The following SHISA9 variants were observed in gnomAD, a reference collection of about 807,000 sequenced individuals.
SHISA9 encodes the protein protein shisa-9.
A neutral mutation model predicts 38.0 loss-of-function variants in SHISA9; 13 were observed. That is an observed-to-expected ratio of 0.34 (90% CI 0.22 to 0.54). SHISA9 has a LOEUF of 0.54. Ranked by LOEUF, SHISA9 falls within the 20% of genes least tolerant of loss-of-function variation. The pLI is 0.91. For synonymous variants in SHISA9, 275 were observed against 242.0 expected (o/e 1.14, Z -1.27); for missense variants, 538 against 575.8 (o/e 0.93, Z 0.67).
intron 2 of SHISA9, among the ~76,000 whole-genome samples, chr16:13,078,383 A>G (rs2073608339): frequency 6.6e-6 from 1 of 151,584 alleles, no homozygotes; most frequent in Admixed American, 6.6e-5. Context: ...ATTATTTTTT[A>G]TTGTTGTATT....
the SHISA9 span, among the ~76,000 whole-genome samples, chr16:13,322,262 A>T: frequency 1.3e-5 from 2 of 152,238 alleles, no homozygotes; most frequent in South Asian, 4.1e-4. Context: ...ATAGGAAAAA[A>T]TAATTGGAAA....
At chr16:13,197,925 C>T (rs1222916045) in intron 2 of SHISA9, among the ~76,000 whole-genome samples, 3 of 152,178 alleles carry the variant, frequency 2.0e-5, no homozygotes, top group African/African-American at 7.2e-5. Flanking sequence ...TGGCTCATGT[C>T]TGTAAGCCCA....
At chr16:13,033,188 T>C (rs1019659775) in intron 2 of SHISA9, among the ~76,000 whole-genome samples, 1 of 152,204 alleles carries the variant, frequency 6.6e-6, no homozygotes, top group Admixed American at 6.5e-5. Flanking sequence ...TCTGAAATCA[T>C]CATGCAGTGC....
the SHISA9 span, among the ~76,000 whole-genome samples, chr16:13,431,341 A>C: frequency 6.6e-6 from 1 of 152,222 alleles, no homozygotes. Flanking sequence ...TAGGGAAAAA[A>C]ATAACTGATG....
At chr16:13,207,066 C>T (rs1330638638) in intron 3 of SHISA9, among the ~76,000 whole-genome samples, 1 of 152,190 alleles carries the variant, frequency 6.6e-6, no homozygotes, top group Non-Finnish European at 1.5e-5. Flanking sequence ...GAGTTGAAGA[C>T]CGGCTTGGCC....
At chr16:13,468,013 A>G in the SHISA9 span, among the ~76,000 whole-genome samples, 1 of 152,236 alleles carries the variant, frequency 6.6e-6, no homozygotes, top group Non-Finnish European at 1.5e-5. Context: ...AGCAATGGAT[A>G]TTACAACAAA....
chr16:12,989,972 T>C (rs2072363482), intron 2 of SHISA9, among the ~76,000 whole-genome samples: 1 of 152,146 alleles, frequency 6.6e-6, no homozygotes, highest in Admixed American at 6.5e-5. Flanking sequence ...GTTGTTCCCC[T>C]CGCTGTGTTC....
Position 12,909,555 on chromosome 16 carries a change from C to A in SHISA9, c.563+6928C>A, listed in dbSNP as rs189141035. ...AGAGATGCACCATTTTCTTCTTGTT[C>A]TTTGGATAAGCTAAGCTCATTCCCA... On this transcript the variant is annotated intron_variant, in intron 1 of 4. Transcript: ENST00000558583. 6.8e-5 allele frequency: 67 copies of A among 985,348 alleles called. No individual in the cohort carries two copies. In the African/African-American group the frequency reaches 1.2e-3, roughly 17 times the overall value. 61.0% of individuals were successfully genotyped at this position (985,348 alleles called of 1,614,324 possible).
chr16:12,955,595 A>G lies in SHISA9; in HGVS notation c.691+38780A>G, dbSNP rs144573870. Among the ~76,000 whole-genome samples the G allele has an allele frequency of 1.8e-4, 28 of 152,070 alleles. No homozygotes were observed. The East Asian group carries it at 5.4e-3, about 29-fold the overall frequency. On this transcript the variant is annotated intron_variant, in intron 2 of 4. Coordinates refer to ENST00000558583, the MANE Select transcript of SHISA9 (RefSeq NM_001145204.3). ...TAGAACAAATAGAGAACCCAGAAAT[A>G]AAGCCACATACCTACAGTCAACTTA...
chr16:13,437,275 A>G, the SHISA9 span, among the ~76,000 whole-genome samples: 2 of 152,176 alleles, frequency 1.3e-5, no homozygotes, highest in East Asian at 3.8e-4. Flanking sequence ...TATGGCTTCA[A>G]AAAAGATGGA....
chr16:13,187,187 G>C (rs573129556), intron 2 of SHISA9, among the ~76,000 whole-genome samples: 1 of 152,156 alleles, frequency 6.6e-6, no homozygotes, highest in Admixed American at 6.5e-5. Flanking sequence ...GACAACTTAT[G>C]CATTGCTGGG....
intron 2 of SHISA9, among the ~76,000 whole-genome samples, chr16:12,990,287 G>C (rs2072367935): frequency 6.6e-6 from 1 of 152,068 alleles, no homozygotes; most frequent in Non-Finnish European, 1.5e-5. Flanking sequence ...ATATTCCTTT[G>C]GGCATATACC....
At chr16:13,256,787 A>G in the SHISA9 span, among the ~76,000 whole-genome samples, 1 of 152,204 alleles carries the variant, frequency 6.6e-6, no homozygotes, top group Non-Finnish European at 1.5e-5. Context: ...CCTTTTGAGT[A>G]TTTATAATAA....
At chr16:13,275,734 T>A in the SHISA9 span, among the ~76,000 whole-genome samples, 2 of 151,922 alleles carry the variant, frequency 1.3e-5, no homozygotes, top group African/African-American at 4.8e-5. Context: ...TGTGAAAAAA[T>A]TTTTAATAGA....
chr16:13,512,669 C>T, the SHISA9 span, among the ~76,000 whole-genome samples: 2 of 152,084 alleles, frequency 1.3e-5, no homozygotes, highest in Non-Finnish European at 2.9e-5. Flanking sequence ...ACATATAGAC[C>T]AGTGGAACAG....
At chr16:13,019,806 T>C (rs1267646717) in intron 2 of SHISA9, among the ~76,000 whole-genome samples, 1 of 142,342 alleles carries the variant, frequency 7.0e-6, no homozygotes, top group Non-Finnish European at 1.5e-5. Context: ...CTTTCTTTCT[T>C]TCTTTCTTTC....
At position 13,206,925 on chromosome 16, in the gene SHISA9, G is replaced by T. The variant is rs186716696; in HGVS notation, c.847+3376G>T. On this transcript the variant is annotated intron_variant, in intron 3 of 4. Coordinates refer to ENST00000558583, the MANE Select transcript of SHISA9 (RefSeq NM_001145204.3). ...AGCAAGAGTCACGGCATCTTTGCCA[G>T]TGTAACTGTGGAAGCCTTCATATGC... 2.1e-3 allele frequency among the ~76,000 whole-genome samples: 317 copies of T among 152,378 alleles called. 1 individual carries two copies. The highest frequency in any genetic ancestry group is 7.1e-3 in the African/African-American group (295 of 41,590).
chr16:13,530,324 A>C, the SHISA9 span, among the ~76,000 whole-genome samples: 1 of 152,094 alleles, frequency 6.6e-6, no homozygotes, highest in African/African-American at 2.4e-5. Flanking sequence ...AAATAAATAA[A>C]TAAATATCAC....
At chr16:13,099,218 C>T (rs184386856) in intron 2 of SHISA9, among the ~76,000 whole-genome samples, 5 of 152,320 alleles carry the variant, frequency 3.3e-5, no homozygotes, top group African/African-American at 9.6e-5. Context: ...CACAAGCTTA[C>T]AATATGTAGT....
Sources: allele counts gnomAD v4.1 joint callset (sites outside exome capture counted in the v4.1 genomes callset), GRCh38; gene constraint gnomAD v4.1.1; transcripts MANE v1.5; gene names NCBI Gene and HGNC (gene_info 2026-07-23, HGNC 2026-07-21).